TAFA4: variants seen among roughly 807,000 people sequenced by gnomAD.
TAFA4 encodes the protein chemokine-like protein TAFA-4.
In TAFA4, 20 loss-of-function variants were observed where a neutral mutation model predicts 21.1. The ratio of observed to expected loss-of-function variants is 0.95; its 90% CI spans 0.67 to 1.38. The LOEUF is 1.38. Ranked by LOEUF, TAFA4 falls within the 40% of genes most tolerant of loss-of-function variation. TAFA4 has a pLI of 0.00. For synonymous variants in TAFA4, 71 were observed against 67.4 expected, an observed-to-expected ratio of 1.05 and a Z score of -0.26; for missense variants, 211 against 180.9, an observed-to-expected ratio of 1.17 and a Z score of -0.95.
At chr3:68,784,034 A>G (rs970183780) in intron 3 of TAFA4, among the ~76,000 whole-genome samples, 2 of 152,238 alleles carry the variant, frequency 1.3e-5, no homozygotes, top group African/African-American at 4.8e-5. Flanking sequence ...AAGAGTTTTA[A>G]AAATCAATTA....
intron 3 of TAFA4, among the ~76,000 whole-genome samples, chr3:68,756,469 T>C (rs1023715347): frequency 2.6e-5 from 4 of 152,250 alleles, no homozygotes; most frequent in Admixed American, 2.6e-4. Context: ...TTGGTGTATG[T>C]GTTTCAAAAT....
At chr3:68,833,367 C>G (rs1018484128) in intron 3 of TAFA4, among the ~76,000 whole-genome samples, 5 of 152,146 alleles carry the variant, frequency 3.3e-5, no homozygotes, top group Admixed American at 6.5e-5. Context: ...GTTACCTATT[C>G]CTCAAAGCAC....
intron 3 of TAFA4, among the ~76,000 whole-genome samples, chr3:68,818,553 T>G (rs1704039020): frequency 6.6e-6 from 1 of 152,176 alleles, no homozygotes; most frequent in Non-Finnish European, 1.5e-5. Context: ...TAGCTTTTGA[T>G]TCAAAAGGAG....
At position 68,838,702 on chromosome 3, in the gene TAFA4, G is replaced by C. The variant is rs148291481; in HGVS notation, c.130+42028C>G. Among the ~76,000 whole-genome samples, 1,197 of 152,184 alleles carry C rather than the reference G, an allele frequency of 7.9e-3. 15 individuals are homozygous for C. The highest frequency in any genetic ancestry group is 0.012 in the Non-Finnish European group (794 of 68,020). Reference sequence around the variant, plus strand: ...ATGTAAAAATCATTCTTCATTCTCAGTTATGAAAAAGACATACCATAGGCC... The same window carrying C: ...ATGTAAAAATCATTCTTCATTCTCACTTATGAAAAAGACATACCATAGGCC... On this transcript the variant is annotated intron_variant, in intron 3 of 5. Coordinates refer to ENST00000295569, the MANE Select transcript of TAFA4 (RefSeq NM_182522.5).
At chr3:68,777,577 A>C (rs142836284) in intron 3 of TAFA4, among the ~76,000 whole-genome samples, 1,994 of 152,252 alleles carry the variant, frequency 0.013, 36 homozygotes, top group African/African-American at 0.046. Flanking sequence ...TAAAGAAAGT[A>C]CAATTAGGAG....
At chr3:68,743,589 AG>A (rs60477842) in intron 4 of TAFA4, among the ~76,000 whole-genome samples, 39,376 of 137,990 alleles carry the variant, frequency 0.29, 7,235 homozygotes, top group East Asian at 0.89. Flanking sequence ...AAAAAAAAAA[AG>A]AAAAAGTTAA....
chr3:68,922,645 G>A (rs1003888235), intron 1 of TAFA4, among the ~76,000 whole-genome samples: 2 of 152,126 alleles, frequency 1.3e-5, no homozygotes, highest in Non-Finnish European at 2.9e-5. Flanking sequence ...GTTTACACTT[G>A]GGATCCTGAG....
At chr3:68,854,611 C>T (rs1705025342) in intron 3 of TAFA4, among the ~76,000 whole-genome samples, 1 of 151,792 alleles carries the variant, frequency 6.6e-6, no homozygotes, top group South Asian at 2.1e-4. Flanking sequence ...TAAAGCCTTA[C>T]CAATTGGATG....
At chr3:68,735,638 A>G (rs1702228877) in intron 5 of TAFA4, among the ~76,000 whole-genome samples, 2 of 152,108 alleles carry the variant, frequency 1.3e-5, no homozygotes, top group South Asian at 4.1e-4. Context: ...GGACAGGCAG[A>G]TTAGAGAGCC....
rs1412706386 is a variant in TAFA4, at chr3:68,883,668, T to C, written c.14+1507A>G. 3.3e-5 allele frequency among the ~76,000 whole-genome samples: 5 copies of C among 152,224 alleles called. 1 individual carries two copies. Among genetic ancestry groups the C allele is most frequent in the Non-Finnish European group, 7.3e-5 (5 of 68,042 alleles). Reference sequence around the variant, plus strand: ...ATAAAACCATAAATTGATCGATAATTTGATCATGTATGTCAAACGTTTACA... The same window carrying C: ...ATAAAACCATAAATTGATCGATAATCTGATCATGTATGTCAAACGTTTACA... On this transcript the variant is annotated intron_variant, in intron 2 of 5. Coordinates refer to ENST00000295569, the MANE Select transcript of TAFA4 (RefSeq NM_182522.5).
At chr3:68,738,602 C>T (rs1308203161) in intron 5 of TAFA4, among the ~76,000 whole-genome samples, 1 of 152,158 alleles carries the variant, frequency 6.6e-6, no homozygotes, top group Non-Finnish European at 1.5e-5. Context: ...ACTGGGTAGA[C>T]AATGGTGTTC....
chr3:68,761,550 A>C (rs1318377780), intron 3 of TAFA4, among the ~76,000 whole-genome samples: 5 of 152,204 alleles, frequency 3.3e-5, no homozygotes, highest in Non-Finnish European at 7.3e-5. Flanking sequence ...CAGAAACAAT[A>C]AGGAGATGAT....
At chr3:68,894,732 G>A (rs1231522222) in intron 1 of TAFA4, among the ~76,000 whole-genome samples, 1 of 152,198 alleles carries the variant, frequency 6.6e-6, no homozygotes, top group Non-Finnish European at 1.5e-5. Context: ...TGTGAAAAAG[G>A]GTAAGATCAC....
At chr3:68,883,407 C>A (rs887965942) in intron 2 of TAFA4, among the ~76,000 whole-genome samples, 1 of 152,172 alleles carries the variant, frequency 6.6e-6, no homozygotes, top group Non-Finnish European at 1.5e-5. Context: ...TCAGCCCCAC[C>A]CAGGATAGTC....
intron 3 of TAFA4, among the ~76,000 whole-genome samples, chr3:68,847,552 G>A (rs182453393): frequency 1.6e-3 from 249 of 152,248 alleles, no homozygotes; most frequent in Non-Finnish European, 6.6e-4. Flanking sequence ...ACTGGAGTAT[G>A]GAAAAAACCT....
chr3:68,885,612 A>C (rs989218864), intron 1 of TAFA4, among the ~76,000 whole-genome samples: 2 of 152,198 alleles, frequency 1.3e-5, no homozygotes, highest in African/African-American at 4.8e-5. Context: ...TGAAATGCAC[A>C]AATTTCACTC....
At chr3:68,787,641 C>G (rs545184003) in intron 3 of TAFA4, among the ~76,000 whole-genome samples, 11 of 152,346 alleles carry the variant, frequency 7.2e-5, no homozygotes, top group African/African-American at 2.6e-4. Context: ...CACATCTGAT[C>G]TACACCACAA....
At chr3:68,780,472 G>A (rs931481602) in intron 3 of TAFA4, among the ~76,000 whole-genome samples, 1 of 152,166 alleles carries the variant, frequency 6.6e-6, no homozygotes. Context: ...AATCATGAGG[G>A]CAGGTCTTTC....
chr3:68,857,706 T>C (rs538974198), intron 3 of TAFA4, among the ~76,000 whole-genome samples: 1 of 152,028 alleles, frequency 6.6e-6, no homozygotes, highest in South Asian at 2.1e-4. Context: ...ATCACAAACA[T>C]AATTTGTTCC....
Sources: allele counts gnomAD v4.1 joint callset (sites outside exome capture counted in the v4.1 genomes callset), GRCh38; gene constraint gnomAD v4.1.1; transcripts MANE v1.5; gene names NCBI Gene and HGNC (gene_info 2026-07-23, HGNC 2026-07-21).